The following GEN1 variants were observed in gnomAD, a reference collection of about 807,000 sequenced individuals.
GEN1 encodes the protein GEN1 structure-specific endonuclease.
In GEN1, 64 loss-of-function variants were observed where a neutral mutation model predicts 67.6. That is an observed-to-expected ratio of 0.95 (90% CI 0.77 to 1.17). GEN1 has a LOEUF of 1.17. GEN1 is among the 50% of genes most tolerant of loss of function. The pLI, the probability that GEN1 is intolerant of heterozygous loss-of-function variation, is 0.00. For missense variants in GEN1, 1,058 were observed against 1,048.3 expected (o/e 1.01, Z -0.13); for synonymous variants, 371 against 359.4 (o/e 1.03, Z -0.37).
At chr2:17,765,948 A>AATATAT (rs10607623) in intron 4 of GEN1, among the ~76,000 whole-genome samples, 62 of 149,064 alleles carry the variant, frequency 4.2e-4, no homozygotes, top group Middle Eastern at 3.6e-3. Flanking sequence ...TACTTTCTAT[A>AATATAT]ATATATATAT....
chr2:17,753,789 G>A (rs889851621), upstream of GEN1: 1 of 152,222 alleles, frequency 6.6e-6, no homozygotes, highest in Admixed American at 6.5e-5. Flanking sequence ...CGGGAGCCCC[G>A]GCGCCCACCG....
In GEN1 at chr2:17,781,862, G is replaced by A; in HGVS notation, c.2650G>A (p.Glu884Lys). The A allele has an allele frequency of 1.3e-6, 2 of 1,546,972 alleles. No homozygotes were observed. The highest frequency in any genetic ancestry group is 1.1e-5 in the South Asian group (1 of 87,338). ...SLSSLQCHKK[E>K]NNSGTCLDSP... ...GAGTTCTCTACAATGTCATAAGAAAGAAAACAACTCTGGTACTTGTTTGGA... is the reference window on the plus strand; with the variant it reads ...GAGTTCTCTACAATGTCATAAGAAAAAAAACAACTCTGGTACTTGTTTGGA... Residue 884 changes from glutamate to lysine, a missense_variant, in exon 14 of 14, where the codon GAA (glutamate) becomes AAA (lysine). Coordinates refer to ENST00000381254, the MANE Select transcript of GEN1 (RefSeq NM_001130009.3).
intron 3 of GEN1, among the ~76,000 whole-genome samples, chr2:17,762,794 T>C (rs1671748726): frequency 6.6e-6 from 1 of 152,224 alleles, no homozygotes; most frequent in African/African-American, 2.4e-5. Context: ...TTAGATAAAA[T>C]TACCCAATGT....
rs202127879 is a variant in GEN1 at position 17,762,173 on chromosome 2, CT to C, written c.348+601del. 1.3e-3 allele frequency among the ~76,000 whole-genome samples: 178 copies of C among 134,472 alleles called. 1 individual carries two copies. The East Asian group carries it at 0.016, about 12-fold the overall frequency. 88.2% of individuals were successfully genotyped at this position (134,472 alleles called of 152,430 possible). On this transcript the variant is annotated intron_variant, in intron 3 of 13. Transcript: ENST00000381254. ...AGTATATAATTAAAACAATAGGAAG[CT>C]TTTTTTTTTCTGTTTTCTTTTTTTG...
At chr2:17,770,897 GAT>G (rs1027977395) in intron 6 of GEN1, among the ~76,000 whole-genome samples, 2 of 150,682 alleles carry the variant, frequency 1.3e-5, no homozygotes, top group African/African-American at 4.9e-5. Flanking sequence ...AGACTGATTG[GAT>G]ATATATATAC....
At chr2:17,776,799 A>G (rs900329408) in intron 11 of GEN1, among the ~76,000 whole-genome samples, 1 of 152,188 alleles carries the variant, frequency 6.6e-6, no homozygotes, top group African/African-American at 2.4e-5. Flanking sequence ...ACATATGAAG[A>G]GTAAGAGAGT....
In GEN1 at chr2:17,778,484, T is replaced by C. The variant is rs144942069; in HGVS notation, c.1264+421T>C. Among the ~76,000 whole-genome samples, 205 of 134,352 alleles carry C rather than the reference T, an allele frequency of 1.5e-3. 6 individuals are homozygous for C. Among genetic ancestry groups the C allele is most frequent in the Middle Eastern group, 7.1e-3 (2 of 282 alleles). The allele number at this position is 134,352 out of a possible 152,430, so 88.1% of individuals were successfully genotyped here. ...TATATGTATATACACACACAGCATGTGTGTGAAAAATAAAGATGAAACCCA... is the reference window on the plus strand; with the variant it reads ...TATATGTATATACACACACAGCATGCGTGTGAAAAATAAAGATGAAACCCA... On this transcript the variant is annotated intron_variant, in intron 12 of 13. Transcript: ENST00000381254.
chr2:17,778,280 A>ACACACATATGTGTG lies in GEN1; in HGVS notation c.1264+217_1264+218insCACACATATGTGTG, dbSNP rs1360468644. Reference sequence around the variant, plus strand: ...CACATATGTGTGTACATATATGTATATACACACACATGTGTGTGTACATAT... The same window carrying ACACACATATGTGTG: ...CACATATGTGTGTACATATATGTATACACACATATGTGTGTACACACACATGTGTGTGTACATAT... On this transcript the variant is annotated intron_variant, in intron 12 of 13. Transcript: ENST00000381254. Among the ~76,000 whole-genome samples, 36 of 118,110 alleles carry ACACACATATGTGTG rather than the reference A, an allele frequency of 3.0e-4. 3 individuals carry two copies. Among genetic ancestry groups the ACACACATATGTGTG allele is most frequent in the African/African-American group, 1.4e-3 (33 of 23,246 alleles). The allele number at this position is 118,110 out of a possible 152,430, so 77.5% of individuals were successfully genotyped here.
Position 17,781,059 on chromosome 2 carries a change from CAG to C in GEN1, c.1850_1851del (p.Glu617AlafsTer6). 3 of 1,613,796 alleles carry C rather than the reference CAG, an allele frequency of 1.9e-6. No individual in the cohort carries two copies. Among genetic ancestry groups the C allele is most frequent in the Non-Finnish European group, 2.5e-6 (3 of 1,179,778 alleles). ...CATGATTTAAAATCAGAAGTTGAAT[CAG>C]AGCTATCAGCCATCCCTGATGGCTT... On this transcript the variant is annotated frameshift_variant, in exon 14 of 14. Coordinates refer to ENST00000381254, the MANE Select transcript of GEN1 (RefSeq NM_001130009.3). LOFTEE classifies it low-confidence loss of function (END_TRUNC).
At chr2:17,772,856 A>T in intron 8 of GEN1, 72 bp downstream of exon 8, 1 of 1,345,936 alleles carries the variant, frequency 7.4e-7, no homozygotes, top group East Asian at 2.4e-5. Context: ...AATTATTTCC[A>T]TATAATCTTT....
chr2:17,760,110 G>A lies in GEN1; in HGVS notation c.161+6G>A, dbSNP rs1236953730. On this transcript the variant is annotated splice_donor_region_variant and intron_variant, in intron 2 of 13. Transcript: ENST00000381254. ...GTCATGAAGCCCCACCTCAGGTATA[G>A]TAAAAGCTCTTACAGTATAAATGTA... The A allele has an allele frequency of 1.2e-6, 2 of 1,613,240 alleles. No individual in the cohort carries two copies. Among genetic ancestry groups the A allele is most frequent in the African/African-American group, 2.7e-5 (2 of 74,874 alleles).
intron 1 of GEN1, among the ~76,000 whole-genome samples, chr2:17,758,853 CAAA>C (rs1164735428): frequency 2.5e-4 from 22 of 87,302 alleles, no homozygotes; most frequent in Admixed American, 3.9e-4. Flanking sequence ...GACCCTGTCT[CAAA>C]AAAAAAAAAA....
At chr2:17,779,937 T>C in intron 12 of GEN1, 41 bp from the exon 13 acceptor site, 1 of 1,536,130 alleles carries the variant, frequency 6.5e-7, no homozygotes, top group South Asian at 1.2e-5. Context: ...TTTTTTTAAA[T>C]GCCTAATTAA....
In GEN1 at chr2:17,786,675, C is replaced by T. The variant is rs191623216; in HGVS notation, c.*4736C>T. 3.4e-4 allele frequency: 52 copies of T among 152,190 alleles called. No individual in the cohort carries two copies. The highest frequency in any genetic ancestry group is 2.6e-3 in the Admixed American group (39 of 15,290). The allele number at this position is 152,190 out of a possible 1,614,324, so 9.4% of individuals were successfully genotyped here. A position where few individuals can be genotyped will look rare whatever the true frequency, so the allele number is the denominator to read the frequency against. ...TTATGTTTCCATACATCATTCAGTT[C>T]TTGACTCAAATATCACCTCAGAGAG... On this transcript the variant is annotated 3_prime_UTR_variant, in exon 14 of 14. Transcript: ENST00000381254.
chr2:17,762,015 A>G (rs1671704124), intron 3 of GEN1, among the ~76,000 whole-genome samples: 2 of 152,174 alleles, frequency 1.3e-5, no homozygotes, highest in African/African-American at 4.8e-5. Context: ...GTTCATATAC[A>G]GAATATATAT....
chr2:17,764,235 T>C (rs749135386), intron 3 of GEN1, among the ~76,000 whole-genome samples: 4 of 152,204 alleles, frequency 2.6e-5, no homozygotes, highest in African/African-American at 7.2e-5. Flanking sequence ...AGTTTCATTG[T>C]ACAGGGAAGG....
In GEN1 at chr2:17,781,572, G is replaced by A. The variant is rs369584932; in HGVS notation, c.2360G>A (p.Arg787Gln). The part of the protein sequence containing the change: ...HSRKVDMQTT[R>Q]KILMKKSVCL... ...AGAAAAGTTGATATGCAAACCACTC[G>A]GAAAATTTTAATGAAGAAGAGTGTT... The change falls in exon 14 of 14, where the codon CGG becomes CAG. Residue 787 changes from arginine to glutamine, a missense_variant. Transcript: ENST00000381254. The A allele has an allele frequency of 3.3e-5, 53 of 1,613,726 alleles. No homozygotes were observed. In the African/African-American group the frequency reaches 4.1e-4, roughly 13 times the overall value.
intron 7 of GEN1, among the ~76,000 whole-genome samples, 170 bp from the exon 8 acceptor site, chr2:17,772,464 A>G (rs919029058): frequency 1.3e-5 from 2 of 152,086 alleles, no homozygotes; most frequent in African/African-American, 2.4e-5. Flanking sequence ...AAGAATTACT[A>G]TGGTGTCTAT....
intron 12 of GEN1, among the ~76,000 whole-genome samples, chr2:17,778,923 A>G (rs1436791510): frequency 6.6e-6 from 1 of 152,158 alleles, no homozygotes; most frequent in Non-Finnish European, 1.5e-5. Context: ...AAATGAAAGT[A>G]ATAATACTTT....
Sources: gnomAD v4.1 joint callset for allele counts (sites outside exome capture counted in the v4.1 genomes callset) on GRCh38, gnomAD v4.1.1 for gene constraint, MANE v1.5 for transcripts, NCBI Gene and HGNC (gene_info 2026-07-23, HGNC 2026-07-21) for gene names.